TRPS1: variants seen among roughly 807,000 people sequenced by gnomAD.
TRPS1 encodes zinc finger transcription factor Trps1.
Under a neutral mutation model 101.2 loss-of-function variants are expected in TRPS1, and 6 were observed. That is an observed-to-expected ratio of 0.06 (90% confidence interval 0.03 to 0.12). The LOEUF (loss-of-function observed/expected upper bound fraction) is 0.12. Ranked by LOEUF, TRPS1 falls within the 10% of genes least tolerant of loss-of-function variation. TRPS1 has a pLI of 1.00. For missense variants in TRPS1, 1,363 were observed against 1,567.0 expected (o/e 0.87, Z 2.20); for synonymous variants, 578 against 589.8 (o/e 0.98, Z 0.29).
At chr8:115,421,867 A>G (rs1028873913) in intron 5 of TRPS1, among the ~76,000 whole-genome samples, 1 of 152,322 alleles carries the variant, frequency 6.6e-6, no homozygotes, top group South Asian at 2.1e-4. Context: ...CTTTGAAGTT[A>G]TCAACATCCT....
intron 5 of TRPS1, among the ~76,000 whole-genome samples, chr8:115,487,487 T>G (rs1814912392): frequency 6.6e-6 from 1 of 152,196 alleles, no homozygotes; most frequent in Admixed American, 6.5e-5. Flanking sequence ...ACTGCTCTGA[T>G]GGATCTGGGC....
At chr8:115,608,326 C>T (rs996577604) in intron 3 of TRPS1, among the ~76,000 whole-genome samples, 2 of 152,114 alleles carry the variant, frequency 1.3e-5, no homozygotes, top group African/African-American at 2.4e-5. Context: ...AAAAACTACA[C>T]GTATTTATCC....
chr8:115,600,874 G>A (rs1159848010), intron 4 of TRPS1, among the ~76,000 whole-genome samples: 2 of 152,142 alleles, frequency 1.3e-5, no homozygotes, highest in Admixed American at 6.5e-5. Flanking sequence ...GAAATGCAGT[G>A]AGAAAACCAT....
intron 4 of TRPS1, among the ~76,000 whole-genome samples, chr8:115,600,041 G>A (rs1046352726): frequency 2.6e-5 from 4 of 152,146 alleles, no homozygotes; most frequent in Non-Finnish European, 5.9e-5. Flanking sequence ...TAACTGGCAT[G>A]AGATGGTATC....
intron 1 of TRPS1, among the ~76,000 whole-genome samples, chr8:115,641,200 T>TG (rs1818887014): frequency 6.6e-6 from 1 of 152,232 alleles, no homozygotes; most frequent in Admixed American, 6.5e-5. Context: ...AATCAGCATA[T>TG]GGGAATTGCT....
At chr8:115,603,743 TG>T in intron 4 of TRPS1, 129 bp downstream of exon 4, 1 of 1,059,196 alleles carries the variant, frequency 9.4e-7, no homozygotes, top group African/African-American at 1.6e-5. Context: ...AACTTTTATG[TG>T]GTCTTCTCCT....
chr8:115,667,778 A>G (rs1319173716), intron 1 of TRPS1: 1 of 1,474,444 alleles, frequency 6.8e-7, no homozygotes, highest in Non-Finnish European at 9.1e-7. Context: ...AACTCTTCAA[A>G]GCCAAAGGCA....
At chr8:115,586,077 A>G (rs1363696344) in intron 5 of TRPS1, among the ~76,000 whole-genome samples, 2 of 152,170 alleles carry the variant, frequency 1.3e-5, no homozygotes, top group East Asian at 3.9e-4. Context: ...ATGGAACTCT[A>G]TTTCCCAACT....
rs1400113745 is a variant in TRPS1 at position 115,412,618 on chromosome 8, TA to T, written c.*1404del. ...ATCTGACAGTGCATCCAGTAGCTTG[TA>T]ATATCTTCTACATCTCCGTGGCAAA... On this transcript the variant is annotated 3_prime_UTR_variant, in exon 7 of 7. Coordinates refer to ENST00000395715, the MANE Select transcript of TRPS1 (RefSeq NM_014112.5). 6.6e-6 allele frequency: 1 copy of T among 152,554 alleles called. No individual in the cohort carries two copies. Among genetic ancestry groups the T allele is most frequent in the Non-Finnish European group, 1.5e-5 (1 of 68,004 alleles). 9.5% of individuals were successfully genotyped at this position (152,554 alleles called of 1,614,324 possible). A position where few individuals can be genotyped will look rare whatever the true frequency, so the allele number is the denominator to read the frequency against.
chr8:115,614,957 A>C (rs574272932), intron 3 of TRPS1, among the ~76,000 whole-genome samples: 2 of 152,332 alleles, frequency 1.3e-5, no homozygotes, highest in Admixed American at 1.3e-4. Flanking sequence ...ATCTGTTGAA[A>C]ATACAAATCC....
chr8:115,495,719 AGCCCAGT>A (rs1158881389), intron 5 of TRPS1, among the ~76,000 whole-genome samples: 62 of 152,150 alleles, frequency 4.1e-4, no homozygotes, highest in African/African-American at 1.3e-3. Flanking sequence ...AGTCTTTACA[AGCCCAGT>A]CTTTTGCAGA....
chr8:115,591,534 G>C (rs1434811681), intron 4 of TRPS1, among the ~76,000 whole-genome samples: 1 of 152,130 alleles, frequency 6.6e-6, no homozygotes, highest in Non-Finnish European at 1.5e-5. Flanking sequence ...AGGTTTTCTA[G>C]TTTGAAGTTC....
chr8:115,616,130 G>A (rs903757036), intron 3 of TRPS1, among the ~76,000 whole-genome samples: 25 of 152,154 alleles, frequency 1.6e-4, no homozygotes, highest in African/African-American at 5.8e-4. Context: ...ACTCAGAAAG[G>A]ACAGTCTTGG....
At chr8:115,420,510 G>A (rs1304745781) in intron 5 of TRPS1, among the ~76,000 whole-genome samples, 2 of 152,160 alleles carry the variant, frequency 1.3e-5, no homozygotes, top group Non-Finnish European at 2.9e-5. Context: ...ATATGGCTGA[G>A]GCTCAAATGT....
chr8:115,604,278 T>C lies in TRPS1; in HGVS notation c.1691A>G (p.Gln564Arg). ...IVVGPLLRHY[Q>R]QLHNIHKCTI... Reference sequence around the variant, plus strand: ...ACACTTGTGAATGTTATGGAGCTGTTGATAATGACGGAGAAGTGGCCCCAC... The same window carrying C: ...ACACTTGTGAATGTTATGGAGCTGTCGATAATGACGGAGAAGTGGCCCCAC... The change falls in exon 4 of 7, where the codon CAA becomes CGA. Residue 564 changes from glutamine (Q) to arginine (R), a missense_variant. Gln to Arg is a conservative substitution (Grantham distance 43). This residue lies in a region of TRPS1 where 1,020 missense variants were observed against 1,073.0 expected (regional missense o/e 0.95). Coordinates refer to ENST00000395715, the MANE Select transcript of TRPS1 (RefSeq NM_014112.5). The surrounding 1 kb of genome is among the most constrained non-coding windows in gnomAD (Gnocchi z 4.1). 2 of 1,614,124 alleles carry C rather than the reference T, an allele frequency of 1.2e-6. No individual in the cohort carries two copies. The highest frequency in any genetic ancestry group is 1.7e-6 in the Non-Finnish European group (2 of 1,180,018).
intron 5 of TRPS1, among the ~76,000 whole-genome samples, chr8:115,459,346 A>AATAATAATG (rs745311494): frequency 4.4e-4 from 67 of 151,826 alleles, no homozygotes; most frequent in Non-Finnish European, 7.8e-4. Flanking sequence ...TAATAATAAT[A>AATAATAATG]ATGATGTTAC....
chr8:115,531,350 T>C (rs937999321), intron 5 of TRPS1, among the ~76,000 whole-genome samples: 2 of 152,090 alleles, frequency 1.3e-5, no homozygotes, highest in Non-Finnish European at 1.5e-5. Flanking sequence ...GCAAATCGGG[T>C]CACTAGACAG....
chr8:115,654,838 C>T (rs536216082), intron 1 of TRPS1, among the ~76,000 whole-genome samples: 11 of 152,254 alleles, frequency 7.2e-5, no homozygotes, highest in Non-Finnish European at 1.0e-4. Flanking sequence ...ATCTAAAGTA[C>T]TGATAAAGAA....
intron 5 of TRPS1, among the ~76,000 whole-genome samples, chr8:115,532,523 G>A (rs1408555893): frequency 6.6e-6 from 1 of 152,082 alleles, no homozygotes; most frequent in Non-Finnish European, 1.5e-5. Context: ...TTATAATATG[G>A]TGCCATTTTA....
Sources: allele counts gnomAD v4.1 joint callset (sites outside exome capture counted in the v4.1 genomes callset), GRCh38; gene constraint gnomAD v4.1.1; regional missense constraint gnomAD v4.1.1; non-coding constraint Gnocchi (gnomAD v3.1); transcripts MANE v1.5; gene names NCBI Gene and HGNC (gene_info 2026-07-23, HGNC 2026-07-21).